NRXN1: variants seen among roughly 807,000 people sequenced by gnomAD.
NRXN1 encodes the protein neurexin-1.
NRXN1 carries 39 observed loss-of-function variants against 150.9 expected under a neutral mutation model. That is an observed-to-expected ratio of 0.26 (90% confidence interval 0.20 to 0.34). The LOEUF (loss-of-function observed/expected upper bound fraction) is 0.34, where lower values mean the gene tolerates loss of function less well. Among genes scored for constraint, NRXN1 ranks in the 10% least tolerant of loss-of-function variants. NRXN1 has a pLI of 1.00. For missense variants in NRXN1, 1,815 were observed against 1,949.9 expected, an observed-to-expected ratio of 0.93 and a Z score of 1.30; for synonymous variants, 924 against 757.0, an observed-to-expected ratio of 1.22 and a Z score of -3.62.
chr2:50,171,225 T>C lies in NRXN1; in HGVS notation c.3546+65564A>G, dbSNP rs544090315. ...ACCTGTACAGTTCAATCCTGTATTGTTCAAGACTCAAGTGTGTGTGTGTGT... is the reference window on the plus strand; with the variant it reads ...ACCTGTACAGTTCAATCCTGTATTGCTCAAGACTCAAGTGTGTGTGTGTGT... On this transcript the variant is annotated intron_variant, in intron 18 of 22. Coordinates refer to ENST00000401669, the MANE Select transcript of NRXN1 (RefSeq NM_001330078.2). Among the ~76,000 whole-genome samples, 5 of 141,132 alleles carry C rather than the reference T, an allele frequency of 3.5e-5. No individual in the cohort carries two copies. The East Asian group carries it at 1.0e-3, about 30-fold the overall frequency. The allele number at this position is 141,132 out of a possible 152,430, so 92.6% of individuals were successfully genotyped here.
At chr2:49,947,047 T>A (rs566114745) in intron 21 of NRXN1, among the ~76,000 whole-genome samples, 2 of 152,270 alleles carry the variant, frequency 1.3e-5, no homozygotes, top group South Asian at 4.1e-4. Flanking sequence ...GACTTGATAA[T>A]GACGTGTTAT....
intron 17 of NRXN1, among the ~76,000 whole-genome samples, chr2:50,325,948 A>C (rs1451770190): frequency 6.6e-6 from 1 of 152,204 alleles, no homozygotes; most frequent in African/African-American, 2.4e-5. Context: ...TTTCAAAAGA[A>C]AACAAGGAAA....
chr2:50,450,540 A>G (rs548899926), intron 17 of NRXN1, among the ~76,000 whole-genome samples: 13 of 152,184 alleles, frequency 8.5e-5, no homozygotes, highest in African/African-American at 3.1e-4. Context: ...CACTTTCTGT[A>G]TTTCTCATTA....
intron 2 of NRXN1, among the ~76,000 whole-genome samples, chr2:50,989,508 G>A (rs1698225835): frequency 6.6e-6 from 1 of 151,880 alleles, no homozygotes; most frequent in East Asian, 1.9e-4. Flanking sequence ...TTCTGTCCCT[G>A]TAGTTTTGTG....
chr2:50,706,965 C>T (rs1048909451), intron 5 of NRXN1, among the ~76,000 whole-genome samples: 55 of 152,112 alleles, frequency 3.6e-4, no homozygotes, highest in Non-Finnish European at 1.5e-5. Flanking sequence ...GCCCATTTAT[C>T]TCATGGTAAA....
intron 5 of NRXN1, among the ~76,000 whole-genome samples, chr2:50,837,081 A>T (rs937997237): frequency 6.6e-6 from 1 of 152,062 alleles, no homozygotes. Flanking sequence ...TTAAAATAAA[A>T]CCTACCCTGG....
At chr2:50,721,041 T>C (rs994450368) in intron 5 of NRXN1, among the ~76,000 whole-genome samples, 1 of 152,178 alleles carries the variant, frequency 6.6e-6, no homozygotes, top group African/African-American at 2.4e-5. Flanking sequence ...CTCAAAAATA[T>C]GGATTTATCC....
chr2:49,955,033 A>G (rs1674678451), intron 21 of NRXN1, among the ~76,000 whole-genome samples: 1 of 152,212 alleles, frequency 6.6e-6, no homozygotes. Flanking sequence ...TTATGAAAAT[A>G]CAGCTTAGTT....
intron 2 of NRXN1, among the ~76,000 whole-genome samples, chr2:50,949,882 T>A (rs924925824): frequency 3.3e-5 from 5 of 152,128 alleles, no homozygotes; most frequent in African/African-American, 1.2e-4. Flanking sequence ...ATTATATGTC[T>A]CATCTATTTC....
intron 5 of NRXN1, among the ~76,000 whole-genome samples, chr2:50,736,686 T>A (rs929423401): frequency 9.2e-5 from 14 of 152,166 alleles, no homozygotes; most frequent in African/African-American, 3.4e-4. Flanking sequence ...ATGTAAGACA[T>A]GCCTTTCGCC....
chr2:50,953,516 AG>A (rs1323472059), intron 2 of NRXN1, among the ~76,000 whole-genome samples: 3 of 152,122 alleles, frequency 2.0e-5, no homozygotes, highest in Admixed American at 2.0e-4. Context: ...AGCTACAACA[AG>A]AAAAAGTAGT....
chr2:50,630,014 C>T (rs1323473516), intron 5 of NRXN1, among the ~76,000 whole-genome samples: 6 of 151,478 alleles, frequency 4.0e-5, no homozygotes, highest in Non-Finnish European at 7.4e-5. Context: ...AAATTTGAAG[C>T]ATCTTTCCAA....
intron 5 of NRXN1, among the ~76,000 whole-genome samples, chr2:50,691,252 T>G (rs1243934723): frequency 6.6e-6 from 1 of 152,088 alleles, no homozygotes; most frequent in South Asian, 2.1e-4. Context: ...GTATCTGACA[T>G]GGGGAAAGAA....
chr2:50,252,233 C>CT (rs55993018), intron 17 of NRXN1, among the ~76,000 whole-genome samples: 38,960 of 95,912 alleles, frequency 0.41, 7,485 homozygotes, highest in Admixed American at 0.44. Context: ...ACATTTTGTC[C>CT]TTTTTTTTTT....
At chr2:49,984,092 A>G (rs1276002307) in intron 21 of NRXN1, among the ~76,000 whole-genome samples, 1 of 152,128 alleles carries the variant, frequency 6.6e-6, no homozygotes, top group Non-Finnish European at 1.5e-5. Context: ...ACTTGAGCCT[A>G]AGAGGCTGAG....
intron 10 of NRXN1, among the ~76,000 whole-genome samples, chr2:50,537,064 G>C (rs946084025): frequency 3.3e-5 from 5 of 151,996 alleles, no homozygotes; most frequent in Non-Finnish European, 7.4e-5. Context: ...ATTAATCTCA[G>C]AACTAATAAG....
At chr2:50,348,638 T>G (rs1169188346) in intron 17 of NRXN1, among the ~76,000 whole-genome samples, 2 of 152,168 alleles carry the variant, frequency 1.3e-5, no homozygotes, top group Non-Finnish European at 2.9e-5. Context: ...ACAGCATCTT[T>G]AACTGAAAGC....
chr2:50,439,767 A>T (rs921916035), intron 17 of NRXN1, among the ~76,000 whole-genome samples: 3 of 152,078 alleles, frequency 2.0e-5, no homozygotes, highest in African/African-American at 7.2e-5. Context: ...CAGTGAACCG[A>T]AATTGTGCCA....
At chr2:50,541,130 A>G (rs1459402666) in intron 9 of NRXN1, among the ~76,000 whole-genome samples, 1 of 152,248 alleles carries the variant, frequency 6.6e-6, no homozygotes, top group Non-Finnish European at 1.5e-5. Flanking sequence ...GCAAAGGAAC[A>G]ATGACAAATT....
Sources: gnomAD v4.1 joint callset for allele counts (sites outside exome capture counted in the v4.1 genomes callset) on GRCh38, gnomAD v4.1.1 for gene constraint, MANE v1.5 for transcripts, NCBI Gene and HGNC (gene_info 2026-07-23, HGNC 2026-07-21) for gene names.